The following MTMR8 variants were observed in gnomAD, a reference collection of about 807,000 sequenced individuals.
MTMR8 encodes myotubularin related protein 8, also known as phosphatidylinositol-3,5-bisphosphate 3-phosphatase MTMR8.
MTMR8 carries 65 observed loss-of-function variants against 39.3 expected under a neutral mutation model. The observed-to-expected ratio is 1.65, with a 90% CI of 1.35 to 2.03. The LOEUF is 2.03. Ranked by LOEUF, MTMR8 falls within the 30% of genes most tolerant of loss-of-function variation. The probability of loss-of-function intolerance (pLI) is 0.00; values close to 1 mark genes in which losing one functional copy is unlikely to be tolerated. For missense variants in MTMR8, 777 were observed against 538.9 expected, an observed-to-expected ratio of 1.44 and a Z score of -4.37; for synonymous variants, 245 against 185.2, an observed-to-expected ratio of 1.32 and a Z score of -2.62.
intron 12 of MTMR8, chrX:64,306,346 C>T (rs1342398705): frequency 3.8e-6 from 1 of 263,686 alleles, no homozygotes; most frequent in African/African-American, 2.8e-5. Flanking sequence ...GCCCATGCAG[C>T]TTCTAACTGT....
At chrX:64,366,511 G>C (rs1031183645) in intron 1 of MTMR8, among the ~76,000 whole-genome samples, 1 of 111,954 alleles carries the variant, frequency 8.9e-6, no homozygotes, top group African/African-American at 3.2e-5. Context: ...TGACTACTGG[G>C]TATATAACAA....
intron 12 of MTMR8, among the ~76,000 whole-genome samples, chrX:64,288,586 C>G (rs985738118): frequency 9.0e-6 from 1 of 111,585 alleles, no homozygotes; most frequent in African/African-American, 3.3e-5. Flanking sequence ...TATTGCGTCA[C>G]TACTCACAAT....
intron 1 of MTMR8, among the ~76,000 whole-genome samples, chrX:64,393,835 T>A (rs1924754405): frequency 8.9e-6 from 1 of 112,130 alleles, no homozygotes; most frequent in Non-Finnish European, 1.9e-5. Flanking sequence ...AGCATCAAAG[T>A]TTTATGCTAA....
chrX:64,328,436 C>T (rs1288829591), intron 12 of MTMR8, among the ~76,000 whole-genome samples: 8 of 111,454 alleles, frequency 7.2e-5, no homozygotes, highest in Non-Finnish European at 1.9e-5. Flanking sequence ...CCTGATTTGT[C>T]TCATTTTTCT....
intron 8 of MTMR8, among the ~76,000 whole-genome samples, chrX:64,342,037 C>T: frequency 8.9e-6 from 1 of 112,224 alleles, no homozygotes. Context: ...TTGTGAAAGA[C>T]TCTGAATGTC....
chrX:64,276,774 G>A (rs1210700159), intron 12 of MTMR8, among the ~76,000 whole-genome samples: 5 of 111,815 alleles, frequency 4.5e-5, no homozygotes, highest in East Asian at 2.8e-4. Flanking sequence ...GGGTTGGAGA[G>A]TTCTGTAGAT....
At chrX:64,393,661 G>A (rs961089756) in intron 1 of MTMR8, among the ~76,000 whole-genome samples, 1 of 111,753 alleles carries the variant, frequency 8.9e-6, no homozygotes, top group African/African-American at 3.3e-5. Flanking sequence ...CCATGTCAGA[G>A]GACCCGTACA....
intron 12 of MTMR8, among the ~76,000 whole-genome samples, chrX:64,294,010 C>T (rs918362933): frequency 8.1e-5 from 9 of 111,461 alleles, no homozygotes; most frequent in Admixed American, 9.5e-5. Flanking sequence ...GTGGTAAATA[C>T]GGCACAGTAC....
At chrX:64,332,734 T>C (rs1922976393) in intron 10 of MTMR8, among the ~76,000 whole-genome samples, 1 of 111,924 alleles carries the variant, frequency 8.9e-6, no homozygotes, top group South Asian at 3.7e-4. Flanking sequence ...TTACACTAGC[T>C]CAACAGATTC....
intron 12 of MTMR8, among the ~76,000 whole-genome samples, chrX:64,294,477 T>G (rs1168425498): frequency 2.7e-5 from 3 of 111,881 alleles, no homozygotes; most frequent in Non-Finnish European, 5.6e-5. Flanking sequence ...AAAATCCTCC[T>G]TACTAAATCT....
intron 12 of MTMR8, among the ~76,000 whole-genome samples, chrX:64,273,957 A>C (rs1931818552): frequency 8.9e-6 from 1 of 111,840 alleles, no homozygotes; most frequent in African/African-American, 3.2e-5. Context: ...TAAATATGTA[A>C]AGCAAACACT....
intron 12 of MTMR8, among the ~76,000 whole-genome samples, chrX:64,304,271 G>A (rs774427882): frequency 9.3e-6 from 1 of 107,003 alleles, no homozygotes; most frequent in Non-Finnish European, 1.9e-5. Context: ...TTTATGTCCA[G>A]TGTACATTAA....
At chrX:64,311,492 A>G (rs993966845) in intron 12 of MTMR8, among the ~76,000 whole-genome samples, 3 of 111,425 alleles carry the variant, frequency 2.7e-5, no homozygotes, top group African/African-American at 9.8e-5. Flanking sequence ...GAAGCCCTTT[A>G]GTTTAATTAG....
In MTMR8 at chrX:64,328,913, A is replaced by G; in HGVS notation, c.1353-13T>C. 8.4e-7 allele frequency: 1 copy of G among 1,184,260 alleles called. No individual in the cohort carries two copies. The highest frequency in any genetic ancestry group is 1.9e-5 in the South Asian group (1 of 52,205). ...TTTCTCATAGACTCTGTTAGAAAAG[A>G]AAAACAAGCCAAAAAATTAAAAGCA... On this transcript the variant is annotated splice_polypyrimidine_tract_variant and intron_variant, in intron 11 of 13. Transcript: ENST00000374852.
chrX:64,372,359 TTG>T (rs1299702743), intron 1 of MTMR8, among the ~76,000 whole-genome samples: 2 of 110,926 alleles, frequency 1.8e-5, no homozygotes, highest in Admixed American at 9.6e-5. Flanking sequence ...CAGTTATAAA[TTG>T]TGTGTGTGTA....
intron 12 of MTMR8, among the ~76,000 whole-genome samples, chrX:64,279,041 T>C (rs1385528689): frequency 9.0e-6 from 1 of 110,754 alleles, no homozygotes; most frequent in Non-Finnish European, 1.9e-5. Flanking sequence ...TCAGGAGGCA[T>C]GGGGTCAGGG....
intron 1 of MTMR8, among the ~76,000 whole-genome samples, chrX:64,368,560 A>G (rs1388333386): frequency 8.9e-6 from 1 of 112,028 alleles, no homozygotes; most frequent in Non-Finnish European, 1.9e-5. Flanking sequence ...AGCCATATGT[A>G]GAAAGCTGAA....
At chrX:64,332,119 T>G (rs1452182826) in intron 10 of MTMR8, among the ~76,000 whole-genome samples, 1 of 112,375 alleles carries the variant, frequency 8.9e-6, no homozygotes, top group African/African-American at 3.2e-5. Flanking sequence ...GAACTGAATT[T>G]TTAATTGTAT....
Position 64,268,645 on chromosome X carries a change from G to T in MTMR8, c.2007C>A (p.Asn669Lys), listed in dbSNP as rs73227155. Residue 669 changes from asparagine to lysine, a missense_variant, in exon 14 of 14, where the codon AAC becomes AAA. Physicochemically the swap from Asn to Lys is moderately conservative, Grantham distance 94. Coordinates refer to ENST00000374852, the MANE Select transcript of MTMR8 (RefSeq NM_017677.4). ...DISEATGISGNLGISEARGFS... is the reference protein window; with the variant it reads ...DISEATGISGKLGISEARGFS... ...AACCCCTGGCCTCAGAAATACCCAA[G>T]TTTCCAGAGATGCCAGTGGCCTCAG... 7,968 of 1,209,676 alleles carry T rather than the reference G, an allele frequency of 6.6e-3. 46 individuals are homozygous for T. The highest frequency in any genetic ancestry group is 8.7e-3 in the Middle Eastern group (38 of 4,352).
Sources: gnomAD v4.1 joint callset for allele counts (sites outside exome capture counted in the v4.1 genomes callset) on GRCh38, gnomAD v4.1.1 for gene constraint, MANE v1.5 for transcripts, NCBI Gene and HGNC (gene_info 2026-07-23, HGNC 2026-07-21) for gene names.